Variants in IFT88 observed in about 807,000 individuals in gnomAD.
IFT88 encodes intraflagellar transport 88.
Under a neutral mutation model 119.5 loss-of-function variants are expected in IFT88, and 74 were observed. That is an observed-to-expected ratio of 0.62 (90% CI 0.51 to 0.75). IFT88 has a LOEUF of 0.75. IFT88 is among the 30% of genes least tolerant of loss of function. The pLI is 0.00. For missense variants in IFT88, 961 were observed against 977.7 expected, an observed-to-expected ratio of 0.98 and a Z score of 0.23; for synonymous variants, 279 against 316.7, an observed-to-expected ratio of 0.88 and a Z score of 1.26.
intron 16 of IFT88, among the ~76,000 whole-genome samples, chr13:20,632,322 G>A (rs376896752): frequency 4.6e-5 from 7 of 152,222 alleles, no homozygotes; most frequent in African/African-American, 1.7e-4. Flanking sequence ...TGTAGAAGAA[G>A]CCTATAAGAG....
At position 20,638,221 on chromosome 13, in the gene IFT88, GT is replaced by G. The variant is rs1313754042; in HGVS notation, c.1387-109del. ...AGACCAAGATATGTAAAATATTTTT[GT>G]TCATTACATTTATAATCTCAGAAAG... On this transcript the variant is annotated intron_variant, in intron 16 of 25. Transcript: ENST00000351808. 5 of 567,702 alleles carry G rather than the reference GT, an allele frequency of 8.8e-6. No individual in the cohort carries two copies. In the African/African-American group the frequency reaches 9.7e-5, roughly 11 times the overall value. The allele number at this position is 567,702 out of a possible 1,614,324, so 35.2% of individuals were successfully genotyped here.
In IFT88 at chr13:20,626,312, G is replaced by A. The variant is rs1052789047; in HGVS notation, c.1299+463G>A. Among the ~76,000 whole-genome samples the A allele has an allele frequency of 3.3e-5, 5 of 151,966 alleles. No individual in the cohort carries two copies. The East Asian group carries it at 7.7e-4, about 23-fold the overall frequency. On this transcript the variant is annotated intron_variant, in intron 15 of 25. Coordinates refer to ENST00000351808, the MANE Select transcript of IFT88 (RefSeq NM_006531.5). ...CCTGACCTTGTGATCCGCCCGCCTC[G>A]GCCTCCCAAAGTGCTGGGATTACAG... is the stretch of plus-strand genomic sequence containing the variant.
At chr13:20,665,431 A>G (rs1026849967) in intron 23 of IFT88, among the ~76,000 whole-genome samples, 2 of 152,256 alleles carry the variant, frequency 1.3e-5, no homozygotes, top group African/African-American at 4.8e-5. Flanking sequence ...TTAAGATCCC[A>G]TATTTAGCTT....
chr13:20,597,325 G>A (rs769125685), intron 9 of IFT88, among the ~76,000 whole-genome samples: 1 of 151,948 alleles, frequency 6.6e-6, no homozygotes, highest in Non-Finnish European at 1.5e-5. Context: ...AGTTATTTTA[G>A]GCTGGGTGCA....
At chr13:20,628,698 A>G (rs544139014) in intron 15 of IFT88, among the ~76,000 whole-genome samples, 1 of 152,344 alleles carries the variant, frequency 6.6e-6, no homozygotes, top group South Asian at 2.1e-4. Context: ...AGAATAGATC[A>G]TAGTTTAGAA....
chr13:20,589,333 A>AT (rs2040266333), intron 3 of IFT88, among the ~76,000 whole-genome samples: 1 of 152,118 alleles, frequency 6.6e-6, no homozygotes, highest in Admixed American at 6.6e-5. Context: ...CTCCTATTTG[A>AT]TTCTAACTAC....
chr13:20,679,669 C>T lies in IFT88; in HGVS notation c.2242+8630C>T, dbSNP rs185552367. Among the ~76,000 whole-genome samples, 357 of 152,302 alleles carry T rather than the reference C, an allele frequency of 2.3e-3. 1 individual carries two copies. The highest frequency in any genetic ancestry group is 0.017 in the South Asian group (82 of 4,822). ...AATCACCCACTACAAACAGGAAAGG[C>T]GGACAGACACAACTATGTATCCAGA... On this transcript the variant is annotated intron_variant, in intron 24 of 25. Transcript: ENST00000351808.
chr13:20,657,901 C>T (rs758910277), intron 22 of IFT88, among the ~76,000 whole-genome samples: 5 of 152,092 alleles, frequency 3.3e-5, no homozygotes, highest in African/African-American at 4.8e-5. Flanking sequence ...AGATGTACTA[C>T]GTGTTTCTTC....
intron 17 of IFT88, among the ~76,000 whole-genome samples, chr13:20,639,369 T>TGTCTG (rs1555289817): frequency 1.3e-5 from 2 of 152,206 alleles, no homozygotes; most frequent in African/African-American, 4.8e-5. Context: ...ATAGGGCATC[T>TGTCTG]GTCTGGTCTG....
intron 12 of IFT88, among the ~76,000 whole-genome samples, chr13:20,603,915 G>A (rs1025418728): frequency 6.6e-6 from 1 of 150,928 alleles, no homozygotes; most frequent in East Asian, 2.0e-4. Context: ...TAAAAAATTA[G>A]CCAGCCTGGT....
intron 9 of IFT88, among the ~76,000 whole-genome samples, chr13:20,597,669 G>T (rs3002164): frequency 5.3e-5 from 8 of 151,264 alleles, no homozygotes; most frequent in Admixed American, 1.3e-4. Context: ...GCGTGAACCC[G>T]GGAGGCGGAG....
chr13:20,691,166 T>A lies in IFT88; in HGVS notation c.2466T>A (p.Leu822=). 6.2e-7 allele frequency: 1 copy of A among 1,612,862 alleles called. No homozygotes were observed. ...FADEELGDDL[L]PE The stretch of plus-strand genomic sequence containing the variant: ...ATGAAGAATTAGGAGATGATTTGCT[T>A]CCAGAATAATATTCACTTTAATATT... The change falls in exon 26 of 26, where the codon CTT becomes CTA. Residue 822 remains leucine (L), a synonymous_variant. Transcript: ENST00000351808.
intron 13 of IFT88, among the ~76,000 whole-genome samples, chr13:20,613,952 T>TAGTAGATTAGTGG: frequency 6.6e-6 from 1 of 152,206 alleles, no homozygotes; most frequent in East Asian, 1.9e-4. Flanking sequence ...TCTATAAAGA[T>TAGTAGATTAGTGG]TTGCCAGGGA....
chr13:20,605,005 T>C, intron 12 of IFT88, 30 bp from the exon 13 acceptor site: 1 of 1,096,342 alleles, frequency 9.1e-7, no homozygotes, highest in Non-Finnish European at 1.4e-6. Context: ...TTCTGAATTA[T>C]TCTTTTTTTC....
chr13:20,622,273 G>T (rs1792496641), intron 14 of IFT88, among the ~76,000 whole-genome samples: 1 of 152,062 alleles, frequency 6.6e-6, no homozygotes, highest in South Asian at 2.1e-4. Flanking sequence ...CCACAGTTTG[G>T]CAATTTTGAA....
At chr13:20,670,072 A>G (rs1395308194) in intron 23 of IFT88, among the ~76,000 whole-genome samples, 2 of 152,212 alleles carry the variant, frequency 1.3e-5, no homozygotes, top group Non-Finnish European at 2.9e-5. Flanking sequence ...CAATTTATAA[A>G]TATTTGGGAA....
intron 22 of IFT88, among the ~76,000 whole-genome samples, chr13:20,659,712 C>T (rs1264744440): frequency 2.0e-5 from 3 of 151,504 alleles, no homozygotes; most frequent in Non-Finnish European, 2.9e-5. Context: ...GGTGCGATCT[C>T]GGCTCACTGC....
At chr13:20,668,364 CTT>C (rs34411338) in intron 23 of IFT88, among the ~76,000 whole-genome samples, 14 of 149,904 alleles carry the variant, frequency 9.3e-5, no homozygotes, top group Admixed American at 2.7e-4. Context: ...GTTGAGATTT[CTT>C]TTTTTTTTTC....
intron 1 of IFT88, 113 bp downstream of exon 1, chr13:20,567,369 C>T (rs556377974): frequency 6.6e-6 from 1 of 152,454 alleles, no homozygotes; most frequent in South Asian, 2.1e-4. Flanking sequence ...CCTGCCCGCC[C>T]CTGTCGGCCC....
Sources: gnomAD v4.1 joint callset for allele counts (sites outside exome capture counted in the v4.1 genomes callset) on GRCh38, gnomAD v4.1.1 for gene constraint, MANE v1.5 for transcripts, NCBI Gene and HGNC (gene_info 2026-07-23, HGNC 2026-07-21) for gene names.